Variants in WNK1 observed in about 807,000 individuals in gnomAD.
WNK1 encodes WNK lysine deficient protein kinase 1, also known as serine/threonine-protein kinase WNK1.
A neutral mutation model predicts 222.8 loss-of-function variants in WNK1; 38 were observed. The ratio of observed to expected loss-of-function variants is 0.17; its 90% confidence interval spans 0.13 to 0.22. The LOEUF (loss-of-function observed/expected upper bound fraction) is 0.22, where lower values mean the gene tolerates loss of function less well. Ranked by LOEUF, WNK1 falls within the 10% of genes least tolerant of loss-of-function variation. The pLI is 1.00. For synonymous variants in WNK1, 1,090 were observed against 1,092.9 expected (o/e 1.00, Z 0.05); for missense variants, 2,348 against 2,918.4 (o/e 0.80, Z 4.50).
rs568874942 is a variant in WNK1, at chr12:851,187, T to C, written c.1312-5974T>C. Among the ~76,000 whole-genome samples, 140 of 152,294 alleles carry C rather than the reference T, an allele frequency of 9.2e-4. 3 individuals carry two copies. In the South Asian group the frequency reaches 0.028, roughly 30 times the overall value. On this transcript the variant is annotated intron_variant, in intron 4 of 27. Transcript: ENST00000315939. ...CAGTATTGTGATTCCCTGTCCAGTG[T>C]TCGTTTGGCTACATATTCTGAGTTT... is the stretch of plus-strand genomic sequence containing the variant.
intron 1 of WNK1, among the ~76,000 whole-genome samples, chr12:807,936 G>A (rs900302307): frequency 6.6e-6 from 1 of 151,882 alleles, no homozygotes; most frequent in Non-Finnish European, 1.5e-5. Flanking sequence ...AGCCAGGATG[G>A]TCTCGATCTC....
At position 762,997 on chromosome 12, in the gene WNK1, C is replaced by T. The variant is rs548803014; in HGVS notation, c.759+8673C>T. Among the ~76,000 whole-genome samples the T allele has an allele frequency of 1.2e-4, 17 of 146,776 alleles. 1 individual carries two copies. The East Asian group carries it at 3.0e-3, about 26-fold the overall frequency. On this transcript the variant is annotated intron_variant, in intron 1 of 27. Transcript: ENST00000315939. ...CCGACCTCAGGCGATCCGCCAGCCT[C>T]GGCCTCCCAAAGTGCTGGAATTACA...
intron 1 of WNK1, among the ~76,000 whole-genome samples, chr12:806,078 G>C (rs1189923950): frequency 6.6e-6 from 1 of 152,286 alleles, no homozygotes; most frequent in Non-Finnish European, 1.5e-5. Flanking sequence ...GAATGGGGTA[G>C]CTGCCATAAA....
chr12:816,979 G>GA (rs1286905335), intron 2 of WNK1, among the ~76,000 whole-genome samples: 3 of 151,344 alleles, frequency 2.0e-5, no homozygotes, highest in East Asian at 1.9e-4. Context: ...AGACACCAAA[G>GA]AAAAAAAAGA....
intron 2 of WNK1, among the ~76,000 whole-genome samples, chr12:814,035 C>T (rs191373713): frequency 2.0e-5 from 3 of 152,156 alleles, no homozygotes; most frequent in East Asian, 1.9e-4. Context: ...AAGTTATGGC[C>T]GAGTGTGGTG....
intron 2 of WNK1, among the ~76,000 whole-genome samples, chr12:819,744 T>C (rs1382305918): frequency 6.6e-6 from 1 of 152,218 alleles, no homozygotes; most frequent in East Asian, 1.9e-4. Context: ...TTAACTTTTG[T>C]GTATGCCGTG....
rs1035995393 is a variant in WNK1, at chr12:911,178, T to C, written c.*2386T>C. 1 of 397,504 alleles carries C rather than the reference T, an allele frequency of 2.5e-6. No homozygotes were observed. The highest frequency in any genetic ancestry group is 2.1e-5 in the African/African-American group (1 of 48,632). The allele number at this position is 397,504 out of a possible 1,614,324, so 24.6% of individuals were successfully genotyped here. A position where few individuals can be genotyped will look rare whatever the true frequency, so the allele number is the denominator to read the frequency against. ...ACTAGTGCTACTGAACTGTTTAAAT[T>C]ATTTTTGTGTTAATAGTACACTTTG... On this transcript the variant is annotated 3_prime_UTR_variant, in exon 28 of 28. Coordinates refer to ENST00000315939, the MANE Select transcript of WNK1 (RefSeq NM_018979.4).
At position 883,836 on chromosome 12, in the gene WNK1, A is replaced by G; in HGVS notation, c.3721+5A>G. On this transcript the variant is annotated splice_donor_5th_base_variant and intron_variant, in intron 17 of 27. Coordinates refer to ENST00000315939, the MANE Select transcript of WNK1 (RefSeq NM_018979.4). ...CTTCCATGCCACAGCAAATAGGTGAATTTATTTTCTTTCCTTGTTTTTACC... is the reference window on the plus strand; with the variant it reads ...CTTCCATGCCACAGCAAATAGGTGAGTTTATTTTCTTTCCTTGTTTTTACC... The G allele has an allele frequency of 1.2e-6, 2 of 1,613,730 alleles. No homozygotes were observed. The highest frequency in any genetic ancestry group is 1.7e-6 in the Non-Finnish European group (2 of 1,179,998).
Position 900,679 on chromosome 12 carries a change from G to T in WNK1, c.6643+9G>T. ...TTCTGCTCCAGGTCAAGGTAATAAA[G>T]CAACCATCATCGTCCAAAAACAATA... On this transcript the variant is annotated intron_variant, in intron 26 of 27. Coordinates refer to ENST00000315939, the MANE Select transcript of WNK1 (RefSeq NM_018979.4). The T allele has an allele frequency of 6.2e-7, 1 of 1,614,132 alleles. No homozygotes were observed. The highest frequency in any genetic ancestry group is 1.1e-5 in the South Asian group (1 of 91,080).
chr12:883,669 TGACC>T, intron 16 of WNK1, 101 bp downstream of exon 16: 2 of 1,594,060 alleles, frequency 1.3e-6, no homozygotes, highest in Non-Finnish European at 1.7e-6. Flanking sequence ...CTGACACCCA[TGACC>T]GACAACAAAC....
At chr12:826,935 C>G in intron 2 of WNK1, 107 bp from the exon 3 acceptor site, 4 of 846,404 alleles carry the variant, frequency 4.7e-6, no homozygotes, top group South Asian at 1.5e-5. Flanking sequence ...TCTTAGTATG[C>G]TAAATTTGAT....
intron 11 of WNK1, 94 bp downstream of exon 11, chr12:880,125 C>T (rs1181071888): frequency 8.2e-7 from 1 of 1,220,158 alleles, no homozygotes; most frequent in African/African-American, 1.5e-5. Flanking sequence ...GTCAGAATAA[C>T]TAGCAATAAC....
Position 827,413 on chromosome 12 carries a change from G to GAC in WNK1, c.1153+152_1153+153insCA, listed in dbSNP as rs1433151073. 2.9e-6 allele frequency: 2 copies of GAC among 685,500 alleles called. No individual in the cohort carries two copies. The highest frequency in any genetic ancestry group is 5.4e-5 in the East Asian group (2 of 36,928). 42.5% of individuals were successfully genotyped at this position (685,500 alleles called of 1,614,324 possible). ...GATCCATTGTACTTATGAGATATAGGATTCTCTATATTTGTGCTTCTTGGA... is the reference window on the plus strand; with the variant it reads ...GATCCATTGTACTTATGAGATATAGGACATTCTCTATATTTGTGCTTCTTGGA... On this transcript the variant is annotated intron_variant, in intron 3 of 27. Transcript: ENST00000315939. The surrounding 1 kb of genome is among the most constrained non-coding windows in gnomAD (Gnocchi z 4.6).
chr12:849,107 G>A (rs145483341), intron 4 of WNK1, among the ~76,000 whole-genome samples: 159 of 152,300 alleles, frequency 1.0e-3, no homozygotes, highest in African/African-American at 3.7e-3. Flanking sequence ...ACACATTGCT[G>A]CATTTCTGAG....
At chr12:873,519 G>A (rs1214732328) in intron 9 of WNK1, among the ~76,000 whole-genome samples, 1 of 152,078 alleles carries the variant, frequency 6.6e-6, no homozygotes, top group African/African-American at 2.4e-5. Flanking sequence ...AAGTGTATTC[G>A]GTCTAGAATA....
At chr12:883,632 G>A (rs1271317308) in intron 16 of WNK1, 64 bp downstream of exon 16, 1 of 1,610,004 alleles carries the variant, frequency 6.2e-7, no homozygotes, top group Non-Finnish European at 8.5e-7. Flanking sequence ...TTCTAAATTT[G>A]CTATGCAAAA....
intron 8 of WNK1, chr12:865,076 G>A (rs1420598046): frequency 2.0e-6 from 3 of 1,481,294 alleles, no homozygotes; most frequent in Non-Finnish European, 1.8e-6. Flanking sequence ...TCACAGTACT[G>A]TGTTTTTCAT....
At chr12:826,333 A>G (rs1948357911) in intron 2 of WNK1, among the ~76,000 whole-genome samples, 1 of 152,214 alleles carries the variant, frequency 6.6e-6, no homozygotes, top group Non-Finnish European at 1.5e-5. Flanking sequence ...CCATCCTTGC[A>G]GAAAGGTCTG....
At chr12:844,165 T>C (rs959812036) in intron 4 of WNK1, among the ~76,000 whole-genome samples, 2 of 152,030 alleles carry the variant, frequency 1.3e-5, no homozygotes, top group African/African-American at 4.8e-5. Context: ...GGGGTCTTGC[T>C]CTGTCGCCCA....
Sources: allele counts gnomAD v4.1 joint callset (sites outside exome capture counted in the v4.1 genomes callset), GRCh38; gene constraint gnomAD v4.1.1; non-coding constraint Gnocchi (gnomAD v3.1); transcripts MANE v1.5; gene names NCBI Gene and HGNC (gene_info 2026-07-23, HGNC 2026-07-21).